SIPA1L3: variants seen among roughly 807,000 people sequenced by gnomAD.
The protein encoded by SIPA1L3 is signal-induced proliferation-associated 1-like protein 3.
SIPA1L3 carries 59 observed loss-of-function variants against 150.1 expected under a neutral mutation model. That is an observed-to-expected ratio of 0.39 (90% confidence interval 0.32 to 0.49). SIPA1L3 has a LOEUF of 0.49. Ranked by LOEUF, SIPA1L3 falls within the 20% of genes least tolerant of loss-of-function variation. The pLI is 0.86. For synonymous variants in SIPA1L3, 1,070 were observed against 1,077.6 expected, an observed-to-expected ratio of 0.99 and a Z score of 0.14; for missense variants, 2,211 against 2,489.5, an observed-to-expected ratio of 0.89 and a Z score of 2.38.
At chr19:38,103,149 AC>A (rs1223875830) in intron 6 of SIPA1L3, among the ~76,000 whole-genome samples, 2 of 144,656 alleles carry the variant, frequency 1.4e-5, no homozygotes, top group African/African-American at 2.6e-5. Context: ...AAAAAAAAAA[AC>A]AAGGGAATAC....
Position 38,082,762 on chromosome 19 carries a change from C to T in SIPA1L3, c.1197C>T (p.Phe399=), listed in dbSNP as rs775727098. 9.9e-6 allele frequency: 16 copies of T among 1,613,022 alleles called. No individual in the cohort carries two copies. The South Asian group carries it at 1.4e-4, about 14-fold the overall frequency. The stretch of plus-strand genomic sequence containing the variant: ...GCCTCGGAGGCCTGGACCCGGCCTT[C>T]ACCAGCACAGAGGACCTAAACTGCA... ...AHSLGGLDPA[F]TSTEDLNCKE... is the part of the protein sequence containing the mutation. Residue 399 remains phenylalanine (F), a synonymous_variant, in exon 3 of 22, where the codon TTC becomes TTT. Coordinates refer to ENST00000222345, the MANE Select transcript of SIPA1L3 (RefSeq NM_015073.3).
At chr19:37,983,550 C>T (rs1967255512) in intron 1 of SIPA1L3, among the ~76,000 whole-genome samples, 2 of 152,136 alleles carry the variant, frequency 1.3e-5, no homozygotes, top group Admixed American at 6.6e-5. Flanking sequence ...GAGAGACCAG[C>T]TCAGTTCCAG....
At position 38,101,139 on chromosome 19, in the gene SIPA1L3, C is replaced by T. The variant is rs1970492757; in HGVS notation, c.1942C>T (p.Pro648Ser). The T allele has an allele frequency of 6.2e-7, 1 of 1,610,696 alleles. No homozygotes were observed. Residue 648 changes from proline to serine, a missense_variant, in exon 6 of 22, where the codon CCC becomes TCC. By Grantham distance (74) the Pro-to-Ser change is moderately conservative. Around this residue, in one of 5 missense-constraint regions of SIPA1L3, gnomAD observed 625 missense variants for 804.2 expected, o/e 0.78. Transcript: ENST00000222345. ...GATGTACAACAATGAGGAGGCCGGC[C>T]CCGCCTTTGAGGAGTTCCTCTCCCT... ...EEMYNNEEAG[P>S]AFEEFLSLIG...
rs1274597884 is a variant in SIPA1L3, at chr19:37,976,115, A to AAAAAAAAAG, written c.-378-52971_-378-52970insAAAAAGAAA. ...GCAAGGCTCTGTCTTAAAAAAAAAA[A>AAAAAAAAAG]AAAGAAAGAAAAGAAATGGGGAGTT... On this transcript the variant is annotated intron_variant, in intron 1 of 21. Coordinates refer to ENST00000222345, the MANE Select transcript of SIPA1L3 (RefSeq NM_015073.3). 1.5e-4 allele frequency among the ~76,000 whole-genome samples: 22 copies of AAAAAAAAAG among 149,522 alleles called. No homozygotes were observed. The East Asian group carries it at 2.7e-3, about 19-fold the overall frequency.
intron 14 of SIPA1L3, 135 bp downstream of exon 14, chr19:38,162,506 T>C: frequency 1.5e-6 from 1 of 684,014 alleles, no homozygotes; most frequent in East Asian, 2.7e-5. Flanking sequence ...TTGGTCTGAG[T>C]TGGAACCAAC....
chr19:38,198,562 C>T (rs946835989), intron 19 of SIPA1L3, 30 bp downstream of exon 19: 3 of 1,472,882 alleles, frequency 2.0e-6, no homozygotes, highest in Non-Finnish European at 2.7e-6. Flanking sequence ...TCCCGCCAGG[C>T]CCCCACCCCG....
chr19:38,077,028 G>A (rs1477709748), intron 2 of SIPA1L3, among the ~76,000 whole-genome samples: 2 of 152,224 alleles, frequency 1.3e-5, no homozygotes, highest in African/African-American at 2.4e-5. Context: ...TCAAGCTGGG[G>A]AATTTAATGC....
chr19:38,007,513 A>G (rs12980834), intron 1 of SIPA1L3, among the ~76,000 whole-genome samples: 2 of 149,326 alleles, frequency 1.3e-5, no homozygotes, highest in Non-Finnish European at 3.0e-5. Context: ...TGCCCGGGGG[A>G]GGGGGGATTT....
chr19:38,026,329 T>C (rs558577366), intron 1 of SIPA1L3, among the ~76,000 whole-genome samples: 1 of 152,284 alleles, frequency 6.6e-6, no homozygotes, highest in African/African-American at 2.4e-5. Flanking sequence ...TCCCAGTATA[T>C]ATCATGGGGC....
At chr19:38,202,445 G>A (rs1165147062) in intron 20 of SIPA1L3, among the ~76,000 whole-genome samples, 8 of 151,996 alleles carry the variant, frequency 5.3e-5, no homozygotes, top group Admixed American at 1.3e-4. Context: ...AAAATTAGCC[G>A]GGCGTGGTGG....
intron 1 of SIPA1L3, among the ~76,000 whole-genome samples, chr19:37,993,604 G>A (rs1029793263): frequency 3.9e-5 from 6 of 152,202 alleles, no homozygotes; most frequent in African/African-American, 1.4e-4. Flanking sequence ...TCGCAGATAC[G>A]TTCAGGGGAA....
intron 1 of SIPA1L3, among the ~76,000 whole-genome samples, chr19:38,016,729 G>A (rs1968240762): frequency 6.6e-6 from 1 of 151,830 alleles, no homozygotes; most frequent in Non-Finnish European, 1.5e-5. Flanking sequence ...CTGACCTCAA[G>A]TGATCCTCCT....
chr19:38,065,715 G>T (rs1471399942), intron 2 of SIPA1L3, among the ~76,000 whole-genome samples: 1 of 151,918 alleles, frequency 6.6e-6, no homozygotes. Context: ...ATGCGTTACT[G>T]CACTAAAAGC....
chr19:38,161,377 CAACA>C (rs1972083406), intron 13 of SIPA1L3, among the ~76,000 whole-genome samples: 1 of 150,424 alleles, frequency 6.6e-6, no homozygotes, highest in East Asian at 2.0e-4. Context: ...TACATACAAC[CAACA>C]AAGGATTGCT....
intron 1 of SIPA1L3, among the ~76,000 whole-genome samples, chr19:37,982,053 G>A (rs576705300): frequency 9.5e-4 from 145 of 152,296 alleles, no homozygotes; most frequent in Non-Finnish European, 1.4e-3. Flanking sequence ...GAAGTCACCC[G>A]TGATATGTGG....
At chr19:38,128,298 T>C (rs1046290257) in intron 9 of SIPA1L3, among the ~76,000 whole-genome samples, 2 of 152,088 alleles carry the variant, frequency 1.3e-5, no homozygotes, top group African/African-American at 2.4e-5. Context: ...AGTGTCACAG[T>C]GTGCCTCAGT....
chr19:37,956,061 C>T (rs1421095998), intron 1 of SIPA1L3, among the ~76,000 whole-genome samples: 1 of 152,216 alleles, frequency 6.6e-6, no homozygotes, highest in Admixed American at 6.5e-5. Flanking sequence ...GTGATCATGG[C>T]GCACTACAGT....
chr19:38,099,886 A>C, intron 4 of SIPA1L3, 76 bp from the exon 5 acceptor site: 1 of 1,230,276 alleles, frequency 8.1e-7, no homozygotes, highest in Non-Finnish European at 1.1e-6. Context: ...CTTTCAAAAC[A>C]AGATACCTCT....
intron 2 of SIPA1L3, among the ~76,000 whole-genome samples, chr19:38,069,658 AT>A (rs969376237): frequency 2.7e-5 from 4 of 150,672 alleles, no homozygotes; most frequent in African/African-American, 4.9e-5. Context: ...ATACCTATAT[AT>A]TTTTTTTTAT....
Sources: allele counts gnomAD v4.1 joint callset (sites outside exome capture counted in the v4.1 genomes callset), GRCh38; gene constraint gnomAD v4.1.1; regional missense constraint gnomAD v4.1.1; transcripts MANE v1.5; gene names NCBI Gene and HGNC (gene_info 2026-07-23, HGNC 2026-07-21).